Variants in DYNC2H1 observed in about 807,000 individuals in gnomAD.
The protein encoded by DYNC2H1 is cytoplasmic dynein 2 heavy chain 1.
In DYNC2H1, 410 loss-of-function variants were observed where a neutral mutation model predicts 570.0. The ratio of observed to expected loss-of-function variants is 0.72; its 90% CI spans 0.66 to 0.78. DYNC2H1 has a LOEUF of 0.78. Among genes scored for constraint, DYNC2H1 ranks in the 30% least tolerant of loss-of-function variants. DYNC2H1 has a pLI of 0.00. For synonymous variants in DYNC2H1, 1,688 were observed against 1,677.6 expected, an observed-to-expected ratio of 1.01 and a Z score of -0.15; for missense variants, 4,865 against 5,046.4, an observed-to-expected ratio of 0.96 and a Z score of 1.09.
At chr11:103,111,057 C>T (rs1320839889) in intron 1 of DYNC2H1, among the ~76,000 whole-genome samples, 1 of 152,122 alleles carries the variant, frequency 6.6e-6, no homozygotes, top group Non-Finnish European at 1.5e-5. Flanking sequence ...AACTCCTGAC[C>T]TCAGGTGATC....
chr11:103,181,688 A>G lies in DYNC2H1; in HGVS notation c.6348-69A>G. Reference sequence around the variant, plus strand: ...TGCGTAGAATAATGTTTATTGGAGAAGAAATTTATTTTAATGTAAATTGAT... The same window carrying G: ...TGCGTAGAATAATGTTTATTGGAGAGGAAATTTATTTTAATGTAAATTGAT... On this transcript the variant is annotated intron_variant, in intron 39 of 88. Transcript: ENST00000375735. This position sits in a 1 kb window ranked among gnomAD's most constrained non-coding sequence, Gnocchi z 5.0. 6.9e-7 allele frequency: 1 copy of G among 1,451,374 alleles called. No individual in the cohort carries two copies. The highest frequency in any genetic ancestry group is 9.3e-7 in the Non-Finnish European group (1 of 1,080,802). The allele number at this position is 1,451,374 out of a possible 1,614,324, so 89.9% of individuals were successfully genotyped here. A position where few individuals can be genotyped will look rare whatever the true frequency, so the allele number is the denominator to read the frequency against.
intron 45 of DYNC2H1, among the ~76,000 whole-genome samples, chr11:103,190,608 T>A (rs1420646201): frequency 6.6e-6 from 1 of 152,162 alleles, no homozygotes; most frequent in Non-Finnish European, 1.5e-5. Flanking sequence ...GTTATAGACA[T>A]GTTTGTGGAA....
In DYNC2H1 at chr11:103,317,157, C is replaced by G. The variant is rs1937897604; in HGVS notation, c.11725+537C>G. Among the ~76,000 whole-genome samples, 3 of 152,018 alleles carry G rather than the reference C, an allele frequency of 2.0e-5. No individual in the cohort carries two copies. The South Asian group carries it at 6.2e-4, about 32-fold the overall frequency. Reference sequence around the variant, plus strand: ...AGGGAGGGGGACACTAGAGTTTAGACCAATGATGGATTAGAGAATAGAGTA... The same window carrying G: ...AGGGAGGGGGACACTAGAGTTTAGAGCAATGATGGATTAGAGAATAGAGTA... On this transcript the variant is annotated intron_variant, in intron 80 of 88. Coordinates refer to ENST00000375735, the MANE Select transcript of DYNC2H1 (RefSeq NM_001377.3).
chr11:103,441,014 A>C (rs1944249848), intron 85 of DYNC2H1, among the ~76,000 whole-genome samples: 2 of 152,150 alleles, frequency 1.3e-5, no homozygotes, highest in Admixed American at 1.3e-4. Context: ...CTCAGATTAC[A>C]TCACTCTTCT....
At chr11:103,430,105 T>G (rs911325401) in intron 84 of DYNC2H1, among the ~76,000 whole-genome samples, 1 of 152,178 alleles carries the variant, frequency 6.6e-6, no homozygotes, top group African/African-American at 2.4e-5. Context: ...ATAGTGATAT[T>G]TGTTAGTAGT....
chr11:103,445,727 T>C (rs530241730), intron 85 of DYNC2H1, among the ~76,000 whole-genome samples: 17 of 152,162 alleles, frequency 1.1e-4, no homozygotes, highest in African/African-American at 4.1e-4. Flanking sequence ...TCTCAGCTCA[T>C]TGCAAGCTCT....
chr11:103,468,579 T>C lies in DYNC2H1; in HGVS notation c.12649-10T>C, dbSNP rs1298930693. 1.2e-6 allele frequency: 2 copies of C among 1,603,612 alleles called. No individual in the cohort carries two copies. Among genetic ancestry groups the C allele is most frequent in the Admixed American group, 1.7e-5 (1 of 59,706 alleles). On this transcript the variant is annotated splice_polypyrimidine_tract_variant and intron_variant, in intron 87 of 88. Transcript: ENST00000375735. ...TGCATATTTTCATGACATATTTGTT[T>C]CCATGGCAGATCAGTGGCTTGTTAC...
chr11:103,245,456 A>T lies in DYNC2H1; in HGVS notation c.10042+82A>T, dbSNP rs1238516848. 1 of 1,404,348 alleles carries T rather than the reference A, an allele frequency of 7.1e-7. No individual in the cohort carries two copies. The highest frequency in any genetic ancestry group is 1.5e-5 in the African/African-American group (1 of 68,578). The allele number at this position is 1,404,348 out of a possible 1,614,324, so 87.0% of individuals were successfully genotyped here. A position where few individuals can be genotyped will look rare whatever the true frequency, so the allele number is the denominator to read the frequency against. On this transcript the variant is annotated intron_variant, in intron 65 of 88. Coordinates refer to ENST00000375735, the MANE Select transcript of DYNC2H1 (RefSeq NM_001377.3). This position sits in a 1 kb window ranked among gnomAD's most constrained non-coding sequence, Gnocchi z 4.5. ...ATTAAACCAGGTGCAAGCTTTCAAG[A>T]GTCCTCTTCCAGTGGAGTCACACAT...
rs1565389193 is a variant in DYNC2H1, at chr11:103,199,215, A to G, written c.7840-13A>G. ...CTTATATTAATTATAAAATATTCTG[A>G]TTTTTTTAAAAGGGTCTTATTCATT... On this transcript the variant is annotated splice_polypyrimidine_tract_variant and intron_variant, in intron 48 of 88. Coordinates refer to ENST00000375735, the MANE Select transcript of DYNC2H1 (RefSeq NM_001377.3). The surrounding 1 kb of genome is among the most constrained non-coding windows in gnomAD (Gnocchi z 4.6). 6.8e-7 allele frequency: 1 copy of G among 1,473,712 alleles called. No homozygotes were observed. The highest frequency in any genetic ancestry group is 2.0e-5 in the Admixed American group (1 of 49,142). The allele number at this position is 1,473,712 out of a possible 1,614,324, so 91.3% of individuals were successfully genotyped here.
In DYNC2H1 at chr11:103,275,933, A is replaced by T. The variant is rs1408554366; in HGVS notation, c.10696-4415A>T. On this transcript the variant is annotated intron_variant, in intron 70 of 88. Transcript: ENST00000375735. This position sits in a 1 kb window ranked among gnomAD's most constrained non-coding sequence, Gnocchi z 4.8. ...AAGAATATGTTTTGTTTTGTAAGAAACCGCTAACCTGCCTTCCAAAGTGGC... is the reference window on the plus strand; with the variant it reads ...AAGAATATGTTTTGTTTTGTAAGAATCCGCTAACCTGCCTTCCAAAGTGGC... Among the ~76,000 whole-genome samples, 1 of 152,104 alleles carries T rather than the reference A, an allele frequency of 6.6e-6. No individual in the cohort carries two copies. The highest frequency in any genetic ancestry group is 2.4e-5 in the African/African-American group (1 of 41,414).
At chr11:103,466,949 T>G (rs1945211954) in intron 87 of DYNC2H1, among the ~76,000 whole-genome samples, 1 of 152,150 alleles carries the variant, frequency 6.6e-6, no homozygotes, top group African/African-American at 2.4e-5. Context: ...ATTGAGGTGT[T>G]TTTTTAATAA....
intron 84 of DYNC2H1, among the ~76,000 whole-genome samples, chr11:103,427,432 T>A (rs1460781825): frequency 2.0e-5 from 3 of 152,170 alleles, no homozygotes. Flanking sequence ...TAAGCTTCAC[T>A]ATAAGTATTC....
At chr11:103,174,198 A>T (rs926440229) in intron 36 of DYNC2H1, 28 bp downstream of exon 36, 2 of 1,486,636 alleles carry the variant, frequency 1.3e-6, no homozygotes, top group Non-Finnish European at 9.1e-7. Context: ...AAATACATTA[A>T]CTTATTTTTA....
At chr11:103,362,335 T>A (rs1019924243) in intron 83 of DYNC2H1, among the ~76,000 whole-genome samples, 2 of 143,252 alleles carry the variant, frequency 1.4e-5, no homozygotes, top group African/African-American at 5.2e-5. Context: ...TTTTTTTTCT[T>A]TTTTTTTTTT....
rs1940754616 is a variant in DYNC2H1 at position 103,363,447 on chromosome 11, AGG to A, written c.12156+5091_12156+5092del. On this transcript the variant is annotated intron_variant, in intron 83 of 88. Transcript: ENST00000375735. This position sits in a 1 kb window ranked among gnomAD's most constrained non-coding sequence, Gnocchi z 5.6. ...ATTTAGCAATTTCAAAATTGCTGTT[AGG>A]GGTTTAGATTAATACTCAATTTAAA... Among the ~76,000 whole-genome samples the A allele has an allele frequency of 6.6e-6, 1 of 152,184 alleles. No homozygotes were observed. Among genetic ancestry groups the A allele is most frequent in the Non-Finnish European group, 1.5e-5 (1 of 68,014 alleles).
At chr11:103,358,161 G>A in intron 82 of DYNC2H1, 82 bp from the exon 83 acceptor site, 1 of 709,650 alleles carries the variant, frequency 1.4e-6, no homozygotes. Flanking sequence ...AAAACAAAAT[G>A]TCTGTTTTTG....
At chr11:103,216,546 C>T (rs759382862) in intron 55 of DYNC2H1, among the ~76,000 whole-genome samples, 4 of 152,102 alleles carry the variant, frequency 2.6e-5, no homozygotes, top group Non-Finnish European at 5.9e-5. Flanking sequence ...AATCCTAGCT[C>T]TTTGGGAAGC....
In DYNC2H1 at chr11:103,446,551, A is replaced by T. The variant is rs1397451672; in HGVS notation, c.12457-8635A>T. Among the ~76,000 whole-genome samples the T allele has an allele frequency of 6.6e-6, 1 of 152,188 alleles. No homozygotes were observed. The highest frequency in any genetic ancestry group is 1.5e-5 in the Non-Finnish European group (1 of 68,032). ...CCTGGTCATATGAGTTTAAAAAAGA[A>T]TAAGGGGTGAAGTTGAGACAGCAAA... On this transcript the variant is annotated intron_variant, in intron 85 of 88. Coordinates refer to ENST00000375735, the MANE Select transcript of DYNC2H1 (RefSeq NM_001377.3). This position sits in a 1 kb window ranked among gnomAD's most constrained non-coding sequence, Gnocchi z 4.5.
At chr11:103,384,219 A>G (rs1254062967) in intron 83 of DYNC2H1, among the ~76,000 whole-genome samples, 1 of 152,206 alleles carries the variant, frequency 6.6e-6, no homozygotes, top group Non-Finnish European at 1.5e-5. Context: ...TTATTTATAC[A>G]GGTTCAGAAT....
Sources: allele counts gnomAD v4.1 joint callset (sites outside exome capture counted in the v4.1 genomes callset), GRCh38; gene constraint gnomAD v4.1.1; non-coding constraint Gnocchi (gnomAD v3.1); transcripts MANE v1.5; gene names NCBI Gene and HGNC (gene_info 2026-07-23, HGNC 2026-07-21).